Variants in ELMO1 observed in about 807,000 individuals in gnomAD.
ELMO1 encodes the protein engulfment and cell motility protein 1.
In ELMO1, 26 loss-of-function variants were observed where a neutral mutation model predicts 98.9. The observed-to-expected ratio is 0.26, with a 90% CI of 0.19 to 0.36. The LOEUF is 0.36. ELMO1 is among the 10% of genes least tolerant of loss of function. The pLI is 1.00. For synonymous variants in ELMO1, 346 were observed against 346.0 expected (o/e 1.00, Z 0.00); for missense variants, 627 against 935.2 (o/e 0.67, Z 4.30).
At chr7:37,174,962 A>C (rs1180590855) in intron 13 of ELMO1, among the ~76,000 whole-genome samples, 1 of 152,122 alleles carries the variant, frequency 6.6e-6, no homozygotes, top group Non-Finnish European at 1.5e-5. Context: ...TCCAAATTTA[A>C]AGCCTATTTT....
At chr7:37,071,167 A>T (rs967060054) in intron 15 of ELMO1, among the ~76,000 whole-genome samples, 77 of 152,284 alleles carry the variant, frequency 5.1e-4, no homozygotes, top group African/African-American at 1.8e-3. Flanking sequence ...TCCCTCGATG[A>T]CTCTGACTTA....
chr7:37,078,282 A>G (rs1035008683), intron 15 of ELMO1, among the ~76,000 whole-genome samples: 1 of 152,244 alleles, frequency 6.6e-6, no homozygotes, highest in African/African-American at 2.4e-5. Flanking sequence ...GGGCACATGA[A>G]AGTAATAATA....
At chr7:37,286,712 C>T (rs1305090871) in intron 4 of ELMO1, among the ~76,000 whole-genome samples, 1 of 152,154 alleles carries the variant, frequency 6.6e-6, no homozygotes, top group Non-Finnish European at 1.5e-5. Context: ...TACAAGTCCG[C>T]CCATTTGGAT....
intron 1 of ELMO1, among the ~76,000 whole-genome samples, chr7:37,444,655 G>T (rs1001529131): frequency 6.6e-6 from 1 of 151,338 alleles, no homozygotes; most frequent in African/African-American, 2.4e-5. Context: ...TGGGACTACA[G>T]GCACCCACTA....
At chr7:37,308,939 C>T (rs187879303) in intron 4 of ELMO1, among the ~76,000 whole-genome samples, 2 of 152,132 alleles carry the variant, frequency 1.3e-5, no homozygotes, top group African/African-American at 4.8e-5. Context: ...ACAGAGGAGA[C>T]CCATGTTAGG....
At chr7:37,256,576 AAAGGAG>A (rs1795663689) in intron 6 of ELMO1, among the ~76,000 whole-genome samples, 1 of 93,970 alleles carries the variant, frequency 1.1e-5, no homozygotes, top group Non-Finnish European at 2.0e-5. Flanking sequence ...GGAAGGAAGG[AAAGGAG>A]GGAGGGAGGG....
Position 37,298,278 on chromosome 7 carries a change from G to GTT in ELMO1, c.192+16570_192+16571dup, listed in dbSNP as rs200612374. Among the ~76,000 whole-genome samples the GTT allele has an allele frequency of 2.7e-4, 16 of 58,628 alleles. 1 individual carries two copies. The highest frequency in any genetic ancestry group is 5.1e-4 in the South Asian group (1 of 1,972). 38.5% of individuals were successfully genotyped at this position (58,628 alleles called of 152,430 possible). On this transcript the variant is annotated intron_variant, in intron 4 of 21. Transcript: ENST00000310758. ...AAAAGTAGGTGGACAAGACTAGGAA[G>GTT]TTTTTTTTGTTTTTTTTTTTTAAGA...
chr7:36,890,943 C>A (rs1014947197), intron 17 of ELMO1, among the ~76,000 whole-genome samples: 1 of 152,218 alleles, frequency 6.6e-6, no homozygotes, highest in Non-Finnish European at 1.5e-5. Context: ...AACACCCAGA[C>A]CTGCTCCAAC....
chr7:37,143,100 A>G (rs1022949750), intron 13 of ELMO1, among the ~76,000 whole-genome samples: 4 of 152,220 alleles, frequency 2.6e-5, no homozygotes, highest in African/African-American at 9.6e-5. Flanking sequence ...CAATAAAAGA[A>G]TGCCTGCTAT....
intron 1 of ELMO1, among the ~76,000 whole-genome samples, chr7:37,345,399 G>C (rs952920894): frequency 1.3e-5 from 2 of 152,020 alleles, no homozygotes; most frequent in East Asian, 3.9e-4. Flanking sequence ...AAGGTTCACC[G>C]AGAAGGCAGC....
rs201102479 is a variant in ELMO1, at chr7:37,189,805, T to C, written c.1086+21581A>G. 2.8e-4 allele frequency among the ~76,000 whole-genome samples: 43 copies of C among 152,284 alleles called. No homozygotes were observed. In the East Asian group the frequency reaches 6.0e-3, roughly 21 times the overall value. On this transcript the variant is annotated intron_variant, in intron 13 of 21. Coordinates refer to ENST00000310758, the MANE Select transcript of ELMO1 (RefSeq NM_014800.11). ...AATCAAGTACCTATTCACCACATCA[T>C]ACGATAATTTATAAAGCCTATGTCA... is the stretch of plus-strand genomic sequence containing the variant.
intron 5 of ELMO1, among the ~76,000 whole-genome samples, chr7:37,264,868 G>T (rs1293798797): frequency 6.6e-6 from 1 of 152,116 alleles, no homozygotes; most frequent in Non-Finnish European, 1.5e-5. Context: ...TCATCCCCAA[G>T]AAACTTCTAG....
chr7:36,973,158 T>G (rs948397486), intron 16 of ELMO1, among the ~76,000 whole-genome samples: 8 of 152,230 alleles, frequency 5.3e-5, no homozygotes, highest in African/African-American at 1.2e-4. Flanking sequence ...CAGGCTTAAA[T>G]GTCCACTTGA....
intron 13 of ELMO1, among the ~76,000 whole-genome samples, chr7:37,149,964 T>G (rs1788247932): frequency 6.6e-6 from 1 of 152,196 alleles, no homozygotes; most frequent in East Asian, 1.9e-4. Flanking sequence ...GCAAATGTTA[T>G]GTTGAAAGGA....
At chr7:37,038,997 A>C (rs552684562) in intron 15 of ELMO1, among the ~76,000 whole-genome samples, 3 of 152,234 alleles carry the variant, frequency 2.0e-5, no homozygotes, top group Non-Finnish European at 2.9e-5. Flanking sequence ...TGCCAGTTAG[A>C]ACTTCAAAAT....
chr7:37,209,734 C>T (rs1012021463), intron 13 of ELMO1, among the ~76,000 whole-genome samples: 1 of 152,124 alleles, frequency 6.6e-6, no homozygotes, highest in African/African-American at 2.4e-5. Context: ...CCTGGACCAT[C>T]GCTCTGGCAG....
At chr7:37,276,901 G>A (rs11981366) in intron 4 of ELMO1, among the ~76,000 whole-genome samples, 10,770 of 152,192 alleles carry the variant, frequency 0.071, 495 homozygotes, top group African/African-American at 0.11. Context: ...CTGTTTCAGA[G>A]GGAGCAGCCC....
At chr7:37,122,504 A>C (rs1259074288) in intron 14 of ELMO1, among the ~76,000 whole-genome samples, 1 of 152,242 alleles carries the variant, frequency 6.6e-6, no homozygotes, top group Non-Finnish European at 1.5e-5. Flanking sequence ...CTGATAAAAC[A>C]GACTTTAAAG....
At chr7:37,190,986 G>C (rs1791532682) in intron 13 of ELMO1, among the ~76,000 whole-genome samples, 1 of 151,422 alleles carries the variant, frequency 6.6e-6, no homozygotes, top group Non-Finnish European at 1.5e-5. Context: ...CAAGGAGATA[G>C]AGACCATCCC....
Sources: allele counts gnomAD v4.1 joint callset (sites outside exome capture counted in the v4.1 genomes callset), GRCh38; gene constraint gnomAD v4.1.1; transcripts MANE v1.5; gene names NCBI Gene and HGNC (gene_info 2026-07-23, HGNC 2026-07-21).